EMILIN2: variants seen among roughly 807,000 people sequenced by gnomAD.
The protein encoded by EMILIN2 is EMILIN-2.
Under a neutral mutation model 87.1 loss-of-function variants are expected in EMILIN2, and 71 were observed. That is an observed-to-expected ratio of 0.82 (90% CI 0.67 to 0.99). The LOEUF (loss-of-function observed/expected upper bound fraction) is 0.99, where lower values mean the gene tolerates loss of function less well. Ranked by LOEUF, EMILIN2 falls within the 50% of genes least tolerant of loss-of-function variation. EMILIN2 has a pLI of 0.00. For synonymous variants in EMILIN2, 581 were observed against 563.4 expected (o/e 1.03, Z -0.44); for missense variants, 1,407 against 1,371.8 (o/e 1.03, Z -0.40).
At position 2,891,729 on chromosome 18, in the gene EMILIN2, G is replaced by A; in HGVS notation, c.1602G>A (p.Arg534=). The A allele has an allele frequency of 6.2e-7, 1 of 1,614,128 alleles. No homozygotes were observed. Among genetic ancestry groups the A allele is most frequent in the Non-Finnish European group, 8.5e-7 (1 of 1,180,036 alleles). Residue 534 remains arginine, a synonymous_variant, in exon 4 of 8, where the codon CGG becomes CGA. Coordinates refer to ENST00000254528, the MANE Select transcript of EMILIN2 (RefSeq NM_032048.3). This position sits in a 1 kb window ranked among gnomAD's most constrained non-coding sequence, Gnocchi z 4.6. The part of the protein sequence containing the change: ...LPGVSGSGDE[R]VMMELNHLKD... ...GAGTGTCAGGGTCAGGAGATGAACG[G>A]GTCATGATGGAATTAAACCACCTGA...
At chr18:2,910,122 G>T (rs1295706665) in intron 7 of EMILIN2, among the ~76,000 whole-genome samples, 2 of 151,824 alleles carry the variant, frequency 1.3e-5, no homozygotes, top group African/African-American at 4.8e-5. Flanking sequence ...CAGTTATGAG[G>T]GCTGTGCCGG....
At chr18:2,869,929 C>T (rs1342008569) in intron 2 of EMILIN2, among the ~76,000 whole-genome samples, 1 of 152,030 alleles carries the variant, frequency 6.6e-6, no homozygotes, top group Non-Finnish European at 1.5e-5. Flanking sequence ...ATGGGAAATA[C>T]ATTACAGATA....
At chr18:2,903,312 G>A (rs960392847) in intron 4 of EMILIN2, among the ~76,000 whole-genome samples, 1 of 151,994 alleles carries the variant, frequency 6.6e-6, no homozygotes, top group Non-Finnish European at 1.5e-5. Flanking sequence ...TGGATTAGAG[G>A]GGAAAGGGCA....
At chr18:2,859,360 A>G (rs185909773) in intron 2 of EMILIN2, among the ~76,000 whole-genome samples, 187 of 152,218 alleles carry the variant, frequency 1.2e-3, no homozygotes, top group African/African-American at 4.2e-3. Flanking sequence ...GGCCATTTGT[A>G]CATCTTCTTT....
chr18:2,894,912 G>A lies in EMILIN2; in HGVS notation c.2359+2426G>A, dbSNP rs953524498. Among the ~76,000 whole-genome samples the A allele has an allele frequency of 6.6e-6, 1 of 152,146 alleles. No individual in the cohort carries two copies. The highest frequency in any genetic ancestry group is 1.5e-5 in the Non-Finnish European group (1 of 68,034). ...AACAGAATGTTTATTGAGTGCCTACGATGTGCAAGGCTCTTGGGGGACCTG... is the reference window on the plus strand; with the variant it reads ...AACAGAATGTTTATTGAGTGCCTACAATGTGCAAGGCTCTTGGGGGACCTG... On this transcript the variant is annotated intron_variant, in intron 4 of 7. Transcript: ENST00000254528. The surrounding 1 kb of genome is among the most constrained non-coding windows in gnomAD (Gnocchi z 5.0).
Position 2,848,956 on chromosome 18 carries a change from C to G in EMILIN2, c.257+1025C>G, listed in dbSNP as rs114715003. On this transcript the variant is annotated intron_variant, in intron 2 of 7. Coordinates refer to ENST00000254528, the MANE Select transcript of EMILIN2 (RefSeq NM_032048.3). The surrounding 1 kb of genome is among the most constrained non-coding windows in gnomAD (Gnocchi z 4.1). The stretch of plus-strand genomic sequence containing the variant: ...TGGGAAGTGGTCGCTGGGTCCACCC[C>G]ACGTGGGCTTCTGGAGGAGCTGCCA... 2.2e-3 allele frequency among the ~76,000 whole-genome samples: 330 copies of G among 152,278 alleles called. 3 individuals are homozygous for G. Among genetic ancestry groups the G allele is most frequent in the African/African-American group, 7.5e-3 (312 of 41,564 alleles).
At position 2,890,146 on chromosome 18, in the gene EMILIN2, G is replaced by A. The variant is rs1188782000; in HGVS notation, c.434-415G>A. 6.6e-6 allele frequency among the ~76,000 whole-genome samples: 1 copy of A among 152,116 alleles called. No individual in the cohort carries two copies. Among genetic ancestry groups the A allele is most frequent in the African/African-American group, 2.4e-5 (1 of 41,402 alleles). On this transcript the variant is annotated intron_variant, in intron 3 of 7. Coordinates refer to ENST00000254528, the MANE Select transcript of EMILIN2 (RefSeq NM_032048.3). This position sits in a 1 kb window ranked among gnomAD's most constrained non-coding sequence, Gnocchi z 4.7. ...TTTACTGTATGCAGTCAACTCTTGG[G>A]GTGTGGCTGCAGTTCACTAATATGG...
chr18:2,856,517 A>C (rs2076628020), intron 2 of EMILIN2, among the ~76,000 whole-genome samples: 1 of 152,192 alleles, frequency 6.6e-6, no homozygotes, highest in Admixed American at 6.5e-5. Context: ...TTAGAAAAAA[A>C]TCCTCTTCCT....
In EMILIN2 at chr18:2,894,527, C is replaced by T. The variant is rs114997171; in HGVS notation, c.2359+2041C>T. Among the ~76,000 whole-genome samples, 1,289 of 152,274 alleles carry T rather than the reference C, an allele frequency of 8.5e-3. 23 individuals are homozygous for T. The highest frequency in any genetic ancestry group is 0.029 in the African/African-American group (1,209 of 41,556). On this transcript the variant is annotated intron_variant, in intron 4 of 7. Coordinates refer to ENST00000254528, the MANE Select transcript of EMILIN2 (RefSeq NM_032048.3). This position sits in a 1 kb window ranked among gnomAD's most constrained non-coding sequence, Gnocchi z 5.0. ...ACAACGCTGTCTGGTCTGTGTCTTA[C>T]GATAACAGGTTGAATCAGATATTTC...
chr18:2,865,134 G>T (rs560138850), intron 2 of EMILIN2, among the ~76,000 whole-genome samples: 3 of 151,666 alleles, frequency 2.0e-5, no homozygotes, highest in Non-Finnish European at 4.4e-5. Flanking sequence ...TTTTTTCAAG[G>T]TTTTTAACTT....
chr18:2,906,928 G>A lies in EMILIN2; in HGVS notation c.2505G>A (p.Pro835=), dbSNP rs1368208138. The part of the protein sequence containing the change: ...VLPQRPPEER[P]PQPPGSTGVI... ...CCCAGCGGCCCCCCGAGGAGAGGCCGCCCCAGCCGCCAGGCTCCACCGGGG... is the reference window on the plus strand; with the variant it reads ...CCCAGCGGCCCCCCGAGGAGAGGCCACCCCAGCCGCCAGGCTCCACCGGGG... Residue 835 remains proline, a synonymous_variant, in exon 5 of 8, where the codon CCG becomes CCA. Transcript: ENST00000254528. 5 of 1,395,792 alleles carry A rather than the reference G, an allele frequency of 3.6e-6. No individual in the cohort carries two copies. In the African/African-American group the frequency reaches 4.5e-5, roughly 13 times the overall value. 86.5% of individuals were successfully genotyped at this position (1,395,792 alleles called of 1,614,324 possible).
rs1266440237 is a variant in EMILIN2 at position 2,913,470 on chromosome 18, G to T, written c.*66G>T. On this transcript the variant is annotated 3_prime_UTR_variant, in exon 8 of 8. Coordinates refer to ENST00000254528, the MANE Select transcript of EMILIN2 (RefSeq NM_032048.3). ...AAAACTCTAAAGCTTTAATATATTC[G>T]GTTTGTATGTAATGGAAGCACGGGG... 2 of 1,326,170 alleles carry T rather than the reference G, an allele frequency of 1.5e-6. No homozygotes were observed. Among genetic ancestry groups the T allele is most frequent in the East Asian group, 2.3e-5 (1 of 42,616 alleles). The allele number at this position is 1,326,170 out of a possible 1,614,324, so 82.2% of individuals were successfully genotyped here.
chr18:2,893,332 C>CT (rs1246851699), intron 4 of EMILIN2, among the ~76,000 whole-genome samples: 1 of 151,446 alleles, frequency 6.6e-6, no homozygotes, highest in Non-Finnish European at 1.5e-5. Context: ...TTATCATCTT[C>CT]AGGGCTTAGC....
chr18:2,858,561 ATATATATATG>A lies in EMILIN2; in HGVS notation c.257+10632_257+10641del, dbSNP rs1461094046. On this transcript the variant is annotated intron_variant, in intron 2 of 7. Transcript: ENST00000254528. Reference sequence around the variant, plus strand: ...TATATATATATATATATATATATATATATATATATGTGTGTGTGTGTGTATATATATATAT... The same window carrying A: ...TATATATATATATATATATATATATATGTGTGTGTGTGTATATATATATAT... Among the ~76,000 whole-genome samples the A allele has an allele frequency of 5.6e-4, 38 of 67,376 alleles. 2 individuals carry two copies. Among genetic ancestry groups the A allele is most frequent in the Admixed American group, 3.0e-3 (16 of 5,348 alleles). The allele number at this position is 67,376 out of a possible 152,430, so 44.2% of individuals were successfully genotyped here.
chr18:2,910,696 G>A (rs1447242517), intron 7 of EMILIN2, among the ~76,000 whole-genome samples: 1 of 152,196 alleles, frequency 6.6e-6, no homozygotes, highest in Non-Finnish European at 1.5e-5. Flanking sequence ...CCACTGGGAG[G>A]GAGGGGGACT....
chr18:2,885,374 GC>G (rs2076798401), intron 3 of EMILIN2, among the ~76,000 whole-genome samples: 1 of 152,196 alleles, frequency 6.6e-6, no homozygotes, highest in Non-Finnish European at 1.5e-5. Flanking sequence ...GAAAGCCAAT[GC>G]CTTAAACATC....
Position 2,913,526 on chromosome 18 carries a change from G to A in EMILIN2, c.*122G>A. The A allele has an allele frequency of 1.3e-6, 1 of 786,328 alleles. No individual in the cohort carries two copies. The allele number at this position is 786,328 out of a possible 1,614,324, so 48.7% of individuals were successfully genotyped here. On this transcript the variant is annotated 3_prime_UTR_variant, in exon 8 of 8. Transcript: ENST00000254528. ...GTTTCCACATAGGCCCCAACATAAA[G>A]GCCTTCCCTCGCTGTTGAGGCCACC...
chr18:2,859,279 T>TAA (rs1329080280), intron 2 of EMILIN2, among the ~76,000 whole-genome samples: 7 of 152,222 alleles, frequency 4.6e-5, no homozygotes, highest in African/African-American at 1.7e-4. Context: ...AGTAAGGTGG[T>TAA]ATCGCATTGT....
At chr18:2,907,291 C>CTT (rs1271589797) in intron 5 of EMILIN2, among the ~76,000 whole-genome samples, 1 of 152,238 alleles carries the variant, frequency 6.6e-6, no homozygotes, top group Non-Finnish European at 1.5e-5. Context: ...AGGGACAGTG[C>CTT]AGTCGTCTGT....
Sources: allele counts gnomAD v4.1 joint callset (sites outside exome capture counted in the v4.1 genomes callset), GRCh38; gene constraint gnomAD v4.1.1; non-coding constraint Gnocchi (gnomAD v3.1); transcripts MANE v1.5; gene names NCBI Gene and HGNC (gene_info 2026-07-23, HGNC 2026-07-21).